Variants in JUP observed in about 807,000 individuals in gnomAD.
The protein encoded by JUP is catenin (cadherin-associated protein), gamma 80kDa.
In JUP, 28 loss-of-function variants were observed where a neutral mutation model predicts 71.1. The observed-to-expected ratio is 0.39, with a 90% CI of 0.29 to 0.54. JUP has a LOEUF of 0.54. Ranked by LOEUF, JUP falls within the 20% of genes least tolerant of loss-of-function variation. JUP has a pLI of 0.62. For synonymous variants in JUP, 401 were observed against 438.9 expected (o/e 0.91, Z 1.08); for missense variants, 869 against 1,030.1 (o/e 0.84, Z 2.14).
In JUP at chr17:41,767,297, G is replaced by A. The variant is rs375455231; in HGVS notation, c.909+82C>T. 1,066 of 1,149,820 alleles carry A rather than the reference G, an allele frequency of 9.3e-4. 11 individuals are homozygous for A. The South Asian group carries it at 0.012, about 13-fold the overall frequency. The allele number at this position is 1,149,820 out of a possible 1,614,324, so 71.2% of individuals were successfully genotyped here. The stretch of plus-strand genomic sequence containing the variant: ...CTATATCTCATCTAAAAGGAGTAAG[G>A]GGGCAGCGGCCCAAGGCTGTGCAGG... On this transcript the variant is annotated intron_variant, in intron 5 of 13. Coordinates refer to ENST00000393931, the MANE Select transcript of JUP (RefSeq NM_002230.4).
chr17:41,755,589 C>A lies in JUP; in HGVS notation c.*155G>T. On this transcript the variant is annotated 3_prime_UTR_variant, in exon 14 of 14. Coordinates refer to ENST00000393931, the MANE Select transcript of JUP (RefSeq NM_002230.4). ...CCAAAGACACAAGAAGAAGGCAGGC[C>A]AGGGCACACCGTGCTTGGGGAAGCT... 1 of 698,222 alleles carries A rather than the reference C, an allele frequency of 1.4e-6. No individual in the cohort carries two copies. The highest frequency in any genetic ancestry group is 2.2e-6 in the Non-Finnish European group (1 of 448,678). 43.3% of individuals were successfully genotyped at this position (698,222 alleles called of 1,614,324 possible).
chr17:41,769,474 C>T lies in JUP; in HGVS notation c.412G>A (p.Glu138Lys), dbSNP rs150245906. 78 of 1,612,864 alleles carry T rather than the reference C, an allele frequency of 4.8e-5. No homozygotes were observed. The highest frequency in any genetic ancestry group is 8.0e-5 in the African/African-American group (6 of 74,916). Reference protein sequence around the residue: ...VHLINYQDDAELATRALPELT... With the variant: ...VHLINYQDDAKLATRALPELT... ...TCGGGCAGGGCGCGAGTGGCCAGCT[C>T]GGCATCGTCCTGGTAGTTGATGAGA... is the stretch of plus-strand genomic sequence containing the variant. Residue 138 changes from glutamate to lysine, a missense_variant, in exon 3 of 14, where the codon GAG (glutamate) becomes AAG (lysine). Physicochemically the swap from Glu to Lys is moderately conservative, Grantham distance 56. Transcript: ENST00000393931.
At position 41,758,812 on chromosome 17, in the gene JUP, T is replaced by C; in HGVS notation, c.1556A>G (p.Gln519Arg). The C allele has an allele frequency of 6.2e-7, 1 of 1,611,162 alleles. No individual in the cohort carries two copies. The highest frequency in any genetic ancestry group is 8.5e-7 in the Non-Finnish European group (1 of 1,178,304). Reference protein sequence around the residue: ...ALCPANHAPLQEAAVIPRLVQ... With the variant: ...ALCPANHAPLREAAVIPRLVQ... Reference sequence around the variant, plus strand: ...GAGGCGGGGGATGACCGCTGCCTCCTGCAGCGGGGCATGGTTGGCTGGGCA... The same window carrying C: ...GAGGCGGGGGATGACCGCTGCCTCCCGCAGCGGGGCATGGTTGGCTGGGCA... Residue 519 changes from glutamine (Q) to arginine (R), a missense_variant, in exon 9 of 14, where the codon CAG becomes CGG. Coordinates refer to ENST00000393931, the MANE Select transcript of JUP (RefSeq NM_002230.4).
At chr17:41,771,903 C>T (rs1916718569) in intron 1 of JUP, 41 bp from the exon 2 acceptor site, 3 of 1,517,602 alleles carry the variant, frequency 2.0e-6, no homozygotes, top group South Asian at 2.4e-5. Flanking sequence ...AGGAAGTCAC[C>T]TGGCCCAGCC....
intron 1 of JUP, among the ~76,000 whole-genome samples, chr17:41,779,564 G>A (rs1555609789): frequency 6.6e-6 from 1 of 151,988 alleles, no homozygotes; most frequent in East Asian, 1.9e-4. Context: ...TCCTGACCTC[G>A]TGATGCGCCC....
At position 41,768,964 on chromosome 17, in the gene JUP, G is replaced by A. The variant is rs375580484; in HGVS notation, c.707+5C>T. The A allele has an allele frequency of 1.9e-6, 3 of 1,598,678 alleles. No individual in the cohort carries two copies. The highest frequency in any genetic ancestry group is 2.6e-6 in the Non-Finnish European group (3 of 1,172,606). On this transcript the variant is annotated splice_donor_5th_base_variant and intron_variant, in intron 4 of 13. Transcript: ENST00000393931. ...TGGGCTCATGCAGTGAGCAGGGTTG[G>A]GTACCTGAGCATGCGGACCAGAGCA...
rs1276231335 is a variant in JUP at position 41,755,607 on chromosome 17, G to A, written c.*137C>T. 3.5e-6 allele frequency: 3 copies of A among 848,868 alleles called. No individual in the cohort carries two copies. The highest frequency in any genetic ancestry group is 5.2e-6 in the Non-Finnish European group (3 of 575,388). 52.6% of individuals were successfully genotyped at this position (848,868 alleles called of 1,614,324 possible). On this transcript the variant is annotated 3_prime_UTR_variant, in exon 14 of 14. Coordinates refer to ENST00000393931, the MANE Select transcript of JUP (RefSeq NM_002230.4). ...GGCAGGCCAGGGCACACCGTGCTTGGGGAAGCTCAGCAGCAAAGGATCCCC... is the reference window on the plus strand; with the variant it reads ...GGCAGGCCAGGGCACACCGTGCTTGAGGAAGCTCAGCAGCAAAGGATCCCC...
chr17:41,768,909 G>A (rs977683861), intron 4 of JUP, 60 bp downstream of exon 4: 16 of 1,288,266 alleles, frequency 1.2e-5, no homozygotes, highest in Middle Eastern at 3.6e-4. Context: ...TCAGGGAAGG[G>A]AGGGGAGAGG....
chr17:41,760,734 T>C (rs1466726869), intron 8 of JUP, among the ~76,000 whole-genome samples: 1 of 152,130 alleles, frequency 6.6e-6, no homozygotes, highest in Non-Finnish European at 1.5e-5. Context: ...CTAATTTTTG[T>C]ATTTTTTGTG....
rs1555599540 is a variant in JUP, at chr17:41,758,510, C to A, written c.1662G>T (p.Val554=). Residue 554 remains valine (V), a synonymous_variant, in exon 10 of 14, where the codon GTG becomes GTT. Coordinates refer to ENST00000393931, the MANE Select transcript of JUP (RefSeq NM_002230.4). ...AGCCCTCCACAATCTCCTCCATCCT[C>A]ACACCATCCTGTGTGAGAGGAGGCA... ...AGTQQPYTDG[V]RMEEIVEGCT... The A allele has an allele frequency of 2.5e-6, 4 of 1,611,210 alleles. No individual in the cohort carries two copies. Among genetic ancestry groups the A allele is most frequent in the Non-Finnish European group, 3.4e-6 (4 of 1,177,652 alleles).
At position 41,755,635 on chromosome 17, in the gene JUP, A is replaced by C. The variant is rs1226119269; in HGVS notation, c.*109T>G. The C allele has an allele frequency of 8.9e-7, 1 of 1,129,764 alleles. No homozygotes were observed. The highest frequency in any genetic ancestry group is 1.2e-6 in the Non-Finnish European group (1 of 819,470). The allele number at this position is 1,129,764 out of a possible 1,614,324, so 70.0% of individuals were successfully genotyped here. ...AAGCTCAGCAGCAAAGGATCCCCCC[A>C]AAAAAGGAGCGCAGGTTTCAGCGGG... On this transcript the variant is annotated 3_prime_UTR_variant, in exon 14 of 14. Transcript: ENST00000393931.
At chr17:41,785,112 G>A (rs1381545322) in intron 1 of JUP, 1 of 152,100 alleles carries the variant, frequency 6.6e-6, no homozygotes, top group African/African-American at 2.4e-5. Context: ...AATTCTTTCA[G>A]GAAAGCGGGT....
At chr17:41,766,303 GAGGGAA>G (rs1386387608) in intron 5 of JUP, among the ~76,000 whole-genome samples, 8 of 149,946 alleles carry the variant, frequency 5.3e-5, no homozygotes, top group East Asian at 2.0e-4. Context: ...GAGAGGAAGA[GAGGGAA>G]AGGAAAAGGA....
In JUP at chr17:41,756,021, C is replaced by T. The variant is rs1913663105; in HGVS notation, c.2087-126G>A. The T allele has an allele frequency of 6.6e-6, 9 of 1,369,570 alleles. No individual in the cohort carries two copies. In the South Asian group the frequency reaches 7.4e-5, roughly 11 times the overall value. The allele number at this position is 1,369,570 out of a possible 1,614,324, so 84.8% of individuals were successfully genotyped here. On this transcript the variant is annotated intron_variant, in intron 13 of 13. Transcript: ENST00000393931. ...TGGTGGGCCTGACCCCTCCCCAGACCCCACACCAGGGCATCTAGACTGGGG... is the reference window on the plus strand; with the variant it reads ...TGGTGGGCCTGACCCCTCCCCAGACTCCACACCAGGGCATCTAGACTGGGG...
At chr17:41,761,806 C>T (rs1289329399) in intron 8 of JUP, among the ~76,000 whole-genome samples, 3 of 149,704 alleles carry the variant, frequency 2.0e-5, no homozygotes, top group African/African-American at 4.9e-5. Flanking sequence ...TGGTGTCTCA[C>T]ACCTGTAATC....
intron 1 of JUP, among the ~76,000 whole-genome samples, chr17:41,783,729 C>A (rs931373100): frequency 6.6e-6 from 1 of 151,598 alleles, no homozygotes; most frequent in Non-Finnish European, 1.5e-5. Flanking sequence ...GACCAGCCTG[C>A]GCAACATGGT....
intron 12 of JUP, 134 bp downstream of exon 12, chr17:41,757,281 A>T (rs1597779924): frequency 9.6e-7 from 1 of 1,040,032 alleles, no homozygotes; most frequent in East Asian, 2.5e-5. Flanking sequence ...ATCTGCTAGG[A>T]ATTGTTATAA....
intron 13 of JUP, 131 bp downstream of exon 13, chr17:41,756,044 G>T: frequency 7.6e-7 from 1 of 1,320,064 alleles, no homozygotes. Flanking sequence ...ATCTAGACTG[G>T]GGTACATGTG....
intron 8 of JUP, 104 bp downstream of exon 8, chr17:41,762,879 G>A (rs1915122435): frequency 1.9e-5 from 16 of 863,972 alleles, no homozygotes; most frequent in Non-Finnish European, 2.5e-5. Flanking sequence ...TGTCTTATTC[G>A]AGCCACTGTA....
Sources: gnomAD v4.1 joint callset for allele counts (sites outside exome capture counted in the v4.1 genomes callset) on GRCh38, gnomAD v4.1.1 for gene constraint, MANE v1.5 for transcripts, NCBI Gene and HGNC (gene_info 2026-07-23, HGNC 2026-07-21) for gene names.